Variants in USP8 observed in about 807,000 individuals in gnomAD.
The protein encoded by USP8 is ubiquitin specific peptidase 8.
In USP8, 27 loss-of-function variants were observed where a neutral mutation model predicts 130.0. The ratio of observed to expected loss-of-function variants is 0.21; its 90% CI spans 0.15 to 0.29. The LOEUF (loss-of-function observed/expected upper bound fraction) is 0.29. Among genes scored for constraint, USP8 ranks in the 10% least tolerant of loss-of-function variants. The probability of loss-of-function intolerance (pLI) is 1.00; values close to 1 mark genes in which losing one functional copy is unlikely to be tolerated. For missense variants in USP8, 1,029 were observed against 1,312.2 expected (o/e 0.78, Z 3.33); for synonymous variants, 392 against 444.1 (o/e 0.88, Z 1.48).
At chr15:50,437,405 T>G (rs1287347533) in intron 1 of USP8, among the ~76,000 whole-genome samples, 1 of 152,224 alleles carries the variant, frequency 6.6e-6, no homozygotes, top group Non-Finnish European at 1.5e-5. Context: ...CAATTCAATT[T>G]GATTTTTAAA....
At chr15:50,441,682 G>A (rs888083557) in intron 3 of USP8, among the ~76,000 whole-genome samples, 189 bp downstream of exon 3, 3 of 152,224 alleles carry the variant, frequency 2.0e-5, no homozygotes, top group South Asian at 2.1e-4. Flanking sequence ...GTGTGAACTC[G>A]TACACATTCT....
At position 50,492,889 on chromosome 15, in the gene USP8, A is replaced by G. The variant is rs757464075; in HGVS notation, c.2423A>G (p.Asn808Ser). 12 of 1,613,966 alleles carry G rather than the reference A, an allele frequency of 7.4e-6. No individual in the cohort carries two copies. Among genetic ancestry groups the G allele is most frequent in the South Asian group, 1.1e-5 (1 of 91,076 alleles). Residue 808 changes from asparagine (N) to serine (S), a missense_variant, in exon 15 of 20, where the codon AAC becomes AGC. This residue lies in a region of USP8 where 257 missense variants were observed against 429.8 expected (regional missense o/e 0.60). Coordinates refer to ENST00000307179, the MANE Select transcript of USP8 (RefSeq NM_005154.5). ...APHLADYFNR[N>S]CYQDDINRSN... is the part of the protein sequence containing the mutation. ...CATTTGGCTGATTATTTCAACCGAA[A>G]CTGTTATCAGGATGATATTAACAGG...
At chr15:50,451,595 C>A (rs2050631034) in intron 4 of USP8, among the ~76,000 whole-genome samples, 1 of 152,168 alleles carries the variant, frequency 6.6e-6, no homozygotes, top group South Asian at 2.1e-4. Flanking sequence ...GAATTTTCCT[C>A]TGTATAGGTT....
rs1028700226 is a variant in USP8, at chr15:50,508,615, C to T, written c.*9527C>T. The T allele has an allele frequency of 1.3e-5, 2 of 152,012 alleles. No individual in the cohort carries two copies. Among genetic ancestry groups the T allele is most frequent in the African/African-American group, 4.8e-5 (2 of 41,372 alleles). 9.4% of individuals were successfully genotyped at this position (152,012 alleles called of 1,614,324 possible). A position where few individuals can be genotyped will look rare whatever the true frequency, so the allele number is the denominator to read the frequency against. On this transcript the variant is annotated 3_prime_UTR_variant, in exon 20 of 20. Coordinates refer to ENST00000307179, the MANE Select transcript of USP8 (RefSeq NM_005154.5). ...AAAAGAGTAGAGGGAAGAGATAACACTGTAAGAGGAATAACCCATAAAGCA... is the reference window on the plus strand; with the variant it reads ...AAAAGAGTAGAGGGAAGAGATAACATTGTAAGAGGAATAACCCATAAAGCA...
chr15:50,467,507 C>A (rs765758976), intron 7 of USP8, among the ~76,000 whole-genome samples: 2 of 152,196 alleles, frequency 1.3e-5, no homozygotes, highest in African/African-American at 2.4e-5. Context: ...CTGTAGGTTA[C>A]AGTACCTACA....
intron 1 of USP8, among the ~76,000 whole-genome samples, chr15:50,437,890 A>G (rs1232741104): frequency 6.6e-6 from 1 of 152,240 alleles, no homozygotes; most frequent in Non-Finnish European, 1.5e-5. Flanking sequence ...ATGTTTGTAT[A>G]TTAGATCGTT....
chr15:50,436,217 A>G (rs1174510884), intron 1 of USP8, among the ~76,000 whole-genome samples: 3 of 151,582 alleles, frequency 2.0e-5, no homozygotes, highest in African/African-American at 7.3e-5. Flanking sequence ...TGCCATGTAG[A>G]TCTTTGTTCA....
intron 16 of USP8, among the ~76,000 whole-genome samples, chr15:50,494,959 G>A (rs779757644): frequency 5.3e-5 from 8 of 150,776 alleles, no homozygotes; most frequent in Non-Finnish European, 1.0e-4. Flanking sequence ...AAGTTGCAGT[G>A]AGCCGAGATT....
chr15:50,464,078 A>C (rs1285658412), intron 6 of USP8, among the ~76,000 whole-genome samples: 2 of 152,168 alleles, frequency 1.3e-5, no homozygotes, highest in African/African-American at 4.8e-5. Context: ...ATAGATGGTA[A>C]ACATTTTAGG....
chr15:50,499,142 T>C lies in USP8; in HGVS notation c.*54T>C. The C allele has an allele frequency of 3.3e-6, 5 of 1,494,068 alleles. No individual in the cohort carries two copies. The South Asian group carries it at 4.0e-5, about 12-fold the overall frequency. The allele number at this position is 1,494,068 out of a possible 1,614,324, so 92.6% of individuals were successfully genotyped here. A position where few individuals can be genotyped will look rare whatever the true frequency, so the allele number is the denominator to read the frequency against. On this transcript the variant is annotated 3_prime_UTR_variant, in exon 20 of 20. Coordinates refer to ENST00000307179, the MANE Select transcript of USP8 (RefSeq NM_005154.5). ...TTTAAAAGGCTCAGCAACACAACTC[T>C]TGAAATGCTTATCAGGATAATGGTA...
chr15:50,453,403 T>C (rs897970896), intron 4 of USP8, among the ~76,000 whole-genome samples: 4 of 152,246 alleles, frequency 2.6e-5, no homozygotes, highest in African/African-American at 9.6e-5. Context: ...CCTTGACCCA[T>C]GGGTCATTTA....
chr15:50,439,820 TAATAATAA>T (rs1207313278), intron 2 of USP8, among the ~76,000 whole-genome samples: 12 of 137,458 alleles, frequency 8.7e-5, no homozygotes, highest in African/African-American at 2.7e-4. Context: ...ATAATAATAA[TAATAATAA>T]TTTTTTTTTT....
At chr15:50,468,357 C>G (rs2051263995) in intron 7 of USP8, among the ~76,000 whole-genome samples, 1 of 150,356 alleles carries the variant, frequency 6.7e-6, no homozygotes, top group Non-Finnish European at 1.5e-5. Context: ...TGTCTCATGT[C>G]TCAGCCTCCC....
At position 50,513,877 on chromosome 15, in the gene USP8, G is replaced by C. The variant is rs915633361; in HGVS notation, c.*14789G>C. 1 of 152,166 alleles carries C rather than the reference G, an allele frequency of 6.6e-6. No homozygotes were observed. Among genetic ancestry groups the C allele is most frequent in the Non-Finnish European group, 1.5e-5 (1 of 68,028 alleles). The allele number at this position is 152,166 out of a possible 1,614,324, so 9.4% of individuals were successfully genotyped here. On this transcript the variant is annotated 3_prime_UTR_variant, in exon 20 of 20. Transcript: ENST00000307179. ...TACTGAGCAGTATGTACTAAAGCCA[G>C]ACATATGCGTATTTCTGAACCAGGA...
chr15:50,479,209 A>T (rs1385342404), intron 10 of USP8, among the ~76,000 whole-genome samples: 2 of 152,234 alleles, frequency 1.3e-5, no homozygotes, highest in East Asian at 3.8e-4. Flanking sequence ...CAGAGCAAGG[A>T]GAATATTCTA....
At chr15:50,462,142 G>A (rs3098169) in intron 5 of USP8, 138 bp from the exon 6 acceptor site, 294,451 of 604,234 alleles carry the variant, frequency 0.49, 72,517 homozygotes, top group Admixed American at 0.57. Context: ...ATTATTATTC[G>A]TCTGCGTTTT....
intron 3 of USP8, among the ~76,000 whole-genome samples, chr15:50,444,775 A>G (rs1039914732): frequency 1.3e-5 from 2 of 152,124 alleles, no homozygotes; most frequent in Non-Finnish European, 2.9e-5. Flanking sequence ...GTTTGTTCTG[A>G]GACAGAATCT....
chr15:50,440,419 A>G (rs143389143), intron 2 of USP8, among the ~76,000 whole-genome samples: 1 of 152,196 alleles, frequency 6.6e-6, no homozygotes, highest in Admixed American at 6.5e-5. Flanking sequence ...TGCTTTATCA[A>G]GATCAGTGGT....
chr15:50,506,152 G>T lies in USP8; in HGVS notation c.*7064G>T, dbSNP rs72738983. The T allele has an allele frequency of 0.037, 5,643 of 151,794 alleles. 153 individuals are homozygous for T. The highest frequency in any genetic ancestry group is 0.063 in the African/African-American group (2,608 of 41,164). 9.4% of individuals were successfully genotyped at this position (151,794 alleles called of 1,614,324 possible). A position where few individuals can be genotyped will look rare whatever the true frequency, so the allele number is the denominator to read the frequency against. On this transcript the variant is annotated 3_prime_UTR_variant, in exon 20 of 20. Transcript: ENST00000307179. ...TCCAAAGTTGTAGAGGGAAAATAAA[G>T]AAAGCTTTATCAGTTTAGTAGCAGC...
Sources: allele counts gnomAD v4.1 joint callset (sites outside exome capture counted in the v4.1 genomes callset), GRCh38; gene constraint gnomAD v4.1.1; regional missense constraint gnomAD v4.1.1; transcripts MANE v1.5; gene names NCBI Gene and HGNC (gene_info 2026-07-23, HGNC 2026-07-21).